Variants in METTL15 observed in about 807,000 individuals in gnomAD.
The protein encoded by METTL15 is 12S rRNA N(4)-cytidine methyltransferase METTL15.
METTL15 carries 34 observed loss-of-function variants against 38.3 expected under a neutral mutation model. That is an observed-to-expected ratio of 0.89 (90% confidence interval 0.68 to 1.18). The LOEUF (loss-of-function observed/expected upper bound fraction) is 1.18. Among genes scored for constraint, METTL15 ranks in the 50% most tolerant of loss-of-function variants. The pLI, the probability that METTL15 is intolerant of heterozygous loss-of-function variation, is 0.00. For synonymous variants in METTL15, 162 were observed against 170.9 expected, an observed-to-expected ratio of 0.95 and a Z score of 0.41; for missense variants, 438 against 498.4, an observed-to-expected ratio of 0.88 and a Z score of 1.15.
At chr11:28,290,166 T>C (rs528140425) in intron 4 of METTL15, 40 bp from the exon 5 acceptor site, 26 of 1,526,880 alleles carry the variant, frequency 1.7e-5, no homozygotes, top group Non-Finnish European at 2.2e-5. Context: ...GACTTCAATC[T>C]AACAGAAGTG....
At chr11:28,357,933 T>A (rs1012993347) in intron 4 of METTL15, among the ~76,000 whole-genome samples, 8 of 152,070 alleles carry the variant, frequency 5.3e-5, no homozygotes, top group Non-Finnish European at 1.0e-4. Context: ...TGGGCCCCCA[T>A]GACCTTTTCT....
chr11:28,313,575 A>C (rs1259550007), intron 6 of METTL15, among the ~76,000 whole-genome samples: 1 of 152,020 alleles, frequency 6.6e-6, no homozygotes, highest in African/African-American at 2.4e-5. Context: ...CTGTAATACC[A>C]TTGTACAACT....
At chr11:28,518,647 T>C (rs554431007) in intron 6 of METTL15, among the ~76,000 whole-genome samples, 2 of 152,278 alleles carry the variant, frequency 1.3e-5, no homozygotes, top group South Asian at 2.1e-4. Flanking sequence ...TAAGGAAAAT[T>C]CAGGGTAACA....
intron 5 of METTL15, among the ~76,000 whole-genome samples, chr11:28,368,416 GTTCATTAGAA>G (rs1850210699): frequency 6.6e-6 from 1 of 152,108 alleles, no homozygotes; most frequent in South Asian, 2.1e-4. Flanking sequence ...CATCATCACT[GTTCATTAGAA>G]AAATGCAAGT....
chr11:28,330,279 T>A (rs1027706275), intron 6 of METTL15, 117 bp from the exon 7 acceptor site: 3 of 941,984 alleles, frequency 3.2e-6, no homozygotes, highest in Admixed American at 6.4e-5. Context: ...CCACCACAAT[T>A]TTCTAAGAAA....
chr11:28,380,304 A>T (rs1036488853), intron 5 of METTL15, among the ~76,000 whole-genome samples: 2 of 151,090 alleles, frequency 1.3e-5, no homozygotes, highest in African/African-American at 4.9e-5. Context: ...AGTAGCTGGG[A>T]CTACAGGCAC....
intron 5 of METTL15, among the ~76,000 whole-genome samples, chr11:28,373,569 C>T (rs1295845912): frequency 4.6e-5 from 7 of 152,006 alleles, no homozygotes; most frequent in South Asian, 2.1e-4. Context: ...TTGTAGGTTG[C>T]CTGTTCACTC....
intron 4 of METTL15, among the ~76,000 whole-genome samples, chr11:28,286,141 G>A (rs1193932017): frequency 6.6e-6 from 1 of 152,154 alleles, no homozygotes. Context: ...TGTAGGACAG[G>A]CCAGCAGGCT....
intron 4 of METTL15, among the ~76,000 whole-genome samples, chr11:28,255,629 C>T (rs771533707): frequency 4.8e-4 from 73 of 152,080 alleles, no homozygotes; most frequent in Non-Finnish European, 5.9e-4. Flanking sequence ...CCTTCAGTAC[C>T]CAGTTTTTTA....
At position 28,491,412 on chromosome 11, in the gene METTL15, C is replaced by T. The variant is rs1405420296; in HGVS notation, c.*425-35066C>T. ...AAAAAATCCAGGTAGTAACTAGGACCCTCACTCATTCTTATATCCCACAGA... is the reference window on the plus strand; with the variant it reads ...AAAAAATCCAGGTAGTAACTAGGACTCTCACTCATTCTTATATCCCACAGA... On this transcript the variant is annotated intron_variant and NMD_transcript_variant, in intron 6 of 7. Transcript: ENST00000532947. 2.0e-5 allele frequency among the ~76,000 whole-genome samples: 3 copies of T among 152,000 alleles called. No individual in the cohort carries two copies. In the East Asian group the frequency reaches 5.8e-4, roughly 29 times the overall value.
At chr11:28,235,522 G>A (rs573474426) in intron 4 of METTL15, among the ~76,000 whole-genome samples, 12 of 152,048 alleles carry the variant, frequency 7.9e-5, no homozygotes, top group South Asian at 2.1e-4. Flanking sequence ...GGTCCTTCAC[G>A]TCCCTTGTAA....
At chr11:28,258,900 G>A (rs1855083097) in intron 4 of METTL15, among the ~76,000 whole-genome samples, 3 of 152,150 alleles carry the variant, frequency 2.0e-5, no homozygotes, top group Admixed American at 6.5e-5. Flanking sequence ...TAAGGTGCAA[G>A]ACAAAGTCCA....
intron 3 of METTL15, among the ~76,000 whole-genome samples, chr11:28,147,887 T>C (rs1428167378): frequency 6.6e-6 from 1 of 151,872 alleles, no homozygotes; most frequent in African/African-American, 2.4e-5. Flanking sequence ...TCAAAGGACA[T>C]TATGAATGTG....
intron 4 of METTL15, among the ~76,000 whole-genome samples, chr11:28,227,395 A>G (rs1455147102): frequency 6.6e-6 from 1 of 151,896 alleles, no homozygotes; most frequent in African/African-American, 2.4e-5. Flanking sequence ...GATCTAATCT[A>G]GTTTAGAACA....
chr11:28,376,643 C>T (rs1564911639), intron 5 of METTL15, among the ~76,000 whole-genome samples: 1 of 151,918 alleles, frequency 6.6e-6, no homozygotes, highest in Non-Finnish European at 1.5e-5. Context: ...TTAATTGGAG[C>T]ATTTAGTCAA....
chr11:28,206,075 G>C (rs1471992502), intron 3 of METTL15, among the ~76,000 whole-genome samples: 2 of 146,158 alleles, frequency 1.4e-5, no homozygotes, highest in African/African-American at 5.2e-5. Flanking sequence ...CACTCTGATG[G>C]TAGTTTCTTT....
intron 4 of METTL15, among the ~76,000 whole-genome samples, chr11:28,271,979 G>GTTGGTCATT (rs1855659096): frequency 6.6e-6 from 1 of 152,100 alleles, no homozygotes; most frequent in African/African-American, 2.4e-5. Flanking sequence ...ATCATCACTG[G>GTTGGTCATT]TTGGTCATTA....
At chr11:28,413,799 C>G (rs1184603007) in intron 5 of METTL15, among the ~76,000 whole-genome samples, 2 of 152,106 alleles carry the variant, frequency 1.3e-5, no homozygotes, top group Admixed American at 1.3e-4. Flanking sequence ...ATTGTTTCAA[C>G]TAGAGAGAAA....
chr11:28,409,652 C>A (rs1564923262), intron 5 of METTL15, among the ~76,000 whole-genome samples: 3 of 151,762 alleles, frequency 2.0e-5, no homozygotes, highest in Non-Finnish European at 2.9e-5. Flanking sequence ...AAGTTTATAG[C>A]AATACACTCC....
Sources: allele counts gnomAD v4.1 joint callset (sites outside exome capture counted in the v4.1 genomes callset), GRCh38; gene constraint gnomAD v4.1.1; transcripts MANE v1.5; gene names NCBI Gene and HGNC (gene_info 2026-07-23, HGNC 2026-07-21).